The following JPH3 variants were observed in gnomAD, a reference collection of about 807,000 sequenced individuals.
JPH3 encodes junctophilin 3.
In JPH3, 11 loss-of-function variants were observed where a neutral mutation model predicts 59.6. That is an observed-to-expected ratio of 0.18 (90% CI 0.12 to 0.31). The LOEUF (loss-of-function observed/expected upper bound fraction) is 0.31. Ranked by LOEUF, JPH3 falls within the 10% of genes least tolerant of loss-of-function variation. JPH3 has a pLI of 1.00. For missense variants in JPH3, 1,202 were observed against 1,105.7 expected (o/e 1.09, Z -1.24); for synonymous variants, 673 against 483.6 (o/e 1.39, Z -5.14).
intron 2 of JPH3, among the ~76,000 whole-genome samples, chr16:87,649,515 C>T (rs1016480803): frequency 6.6e-6 from 1 of 152,160 alleles, no homozygotes; most frequent in African/African-American, 2.4e-5. Context: ...TCACTAGAGG[C>T]CCTGGGTTGG....
At chr16:87,659,191 T>C (rs112506484) in intron 2 of JPH3, among the ~76,000 whole-genome samples, 8,253 of 151,244 alleles carry the variant, frequency 0.055, 769 homozygotes, top group African/African-American at 0.19. Flanking sequence ...CTGGCCAACA[T>C]GGCAAGATCC....
intron 2 of JPH3, among the ~76,000 whole-genome samples, chr16:87,675,091 C>G (rs1445289803): frequency 6.6e-6 from 1 of 152,170 alleles, no homozygotes; most frequent in Admixed American, 6.5e-5. Flanking sequence ...AATAAAATAT[C>G]CAGCCACAAT....
chr16:87,673,233 A>T (rs182908497), intron 2 of JPH3, among the ~76,000 whole-genome samples: 1 of 152,170 alleles, frequency 6.6e-6, no homozygotes, highest in East Asian at 1.9e-4. Context: ...CAAGAAAAAA[A>T]AATCAACCGC....
At chr16:87,625,624 T>C (rs142483481) in intron 1 of JPH3, among the ~76,000 whole-genome samples, 1 of 152,202 alleles carries the variant, frequency 6.6e-6, no homozygotes, top group African/African-American at 2.4e-5. Flanking sequence ...CAGCGCAGAC[T>C]GGGGGAGACG....
chr16:87,632,953 G>C (rs905553965), intron 1 of JPH3, among the ~76,000 whole-genome samples: 1 of 151,932 alleles, frequency 6.6e-6, no homozygotes, highest in African/African-American at 2.4e-5. Flanking sequence ...GGCTGGTCTG[G>C]AACTCTGGGG....
At position 87,689,709 on chromosome 16, in the gene JPH3, G is replaced by A. The variant is rs753117984; in HGVS notation, c.1349G>A (p.Gly450Glu). Reference sequence around the variant, plus strand: ...GACGACATCGAGGTGCTGTCCACCGGGACACCCCTGCAGCAGGAGAGCCCC... The same window carrying A: ...GACGACATCGAGGTGCTGTCCACCGAGACACCCCTGCAGCAGGAGAGCCCC... ...SCDDIEVLST[G>E]TPLQQESPEL... The change falls in exon 4 of 5, where the codon GGG becomes GAG. Residue 450 changes from glycine to glutamate, a missense_variant. Gly to Glu is a moderately conservative substitution (Grantham distance 98). Coordinates refer to ENST00000284262, the MANE Select transcript of JPH3 (RefSeq NM_020655.4). 1 of 1,612,438 alleles carries A rather than the reference G, an allele frequency of 6.2e-7. No individual in the cohort carries two copies.
At chr16:87,663,965 C>A (rs931653203) in intron 2 of JPH3, among the ~76,000 whole-genome samples, 1 of 152,282 alleles carries the variant, frequency 6.6e-6, no homozygotes, top group Non-Finnish European at 1.5e-5. Context: ...GTGGTGGAAT[C>A]GACTCTTCTG....
intron 1 of JPH3, among the ~76,000 whole-genome samples, chr16:87,615,208 C>T (rs1242153089): frequency 6.6e-6 from 1 of 152,236 alleles, no homozygotes; most frequent in African/African-American, 2.4e-5. Flanking sequence ...TCCCCGGGGC[C>T]TAAGCGTGCC....
At chr16:87,631,959 A>G (rs2031578626) in intron 1 of JPH3, among the ~76,000 whole-genome samples, 1 of 151,964 alleles carries the variant, frequency 6.6e-6, no homozygotes, top group African/African-American at 2.4e-5. Context: ...GTCTTCTCCC[A>G]CCTGCTGCAT....
intron 2 of JPH3, among the ~76,000 whole-genome samples, chr16:87,661,764 A>C (rs908850104): frequency 6.6e-6 from 1 of 152,196 alleles, no homozygotes; most frequent in Admixed American, 6.5e-5. Context: ...GAGAGAATTC[A>C]TGGGGCTTCG....
chr16:87,685,452 A>G (rs935070817), intron 3 of JPH3, among the ~76,000 whole-genome samples: 2 of 152,226 alleles, frequency 1.3e-5, no homozygotes, highest in Non-Finnish European at 2.9e-5. Flanking sequence ...TCAGGCCCTG[A>G]GTTTCCTTCT....
chr16:87,667,193 C>G (rs1597277041), intron 2 of JPH3, among the ~76,000 whole-genome samples: 1 of 152,238 alleles, frequency 6.6e-6, no homozygotes, highest in South Asian at 2.1e-4. Flanking sequence ...TCTTAGCTCC[C>G]TCTGCCCCGT....
chr16:87,643,759 G>C (rs1347387869), intron 1 of JPH3, among the ~76,000 whole-genome samples: 1 of 152,168 alleles, frequency 6.6e-6, no homozygotes, highest in Non-Finnish European at 1.5e-5. Flanking sequence ...CAGGATGGAG[G>C]TGTCTTCAAA....
intron 2 of JPH3, among the ~76,000 whole-genome samples, chr16:87,648,614 C>T (rs937417537): frequency 6.6e-6 from 1 of 151,934 alleles, no homozygotes; most frequent in South Asian, 2.1e-4. Flanking sequence ...GTGTGGAGCT[C>T]GGAGAGACTG....
In JPH3 at chr16:87,611,073, G is replaced by A. The variant is rs1425022783; in HGVS notation, c.382+7545G>A. Among the ~76,000 whole-genome samples, 1 of 152,212 alleles carries A rather than the reference G, an allele frequency of 6.6e-6. No homozygotes were observed. The highest frequency in any genetic ancestry group is 1.5e-5 in the Non-Finnish European group (1 of 68,034). On this transcript the variant is annotated intron_variant, in intron 1 of 4. Transcript: ENST00000284262. This position sits in a 1 kb window ranked among gnomAD's most constrained non-coding sequence, Gnocchi z 4.5. ...TAAGTATTTGCTGAGCATTGAGTAT[G>A]TACGCAGTACAGAGTTTGTGGTAAC...
intron 2 of JPH3, among the ~76,000 whole-genome samples, chr16:87,664,057 C>T (rs61406775): frequency 0.021 from 3,253 of 152,286 alleles, 108 homozygotes; most frequent in African/African-American, 0.068. Flanking sequence ...GCCAGCTGGG[C>T]GCGGTGGCTC....
At chr16:87,612,421 G>A (rs1455689620) in intron 1 of JPH3, among the ~76,000 whole-genome samples, 1 of 152,134 alleles carries the variant, frequency 6.6e-6, no homozygotes, top group Non-Finnish European at 1.5e-5. Context: ...TTTTTTACAG[G>A]ATTACAGGTG....
chr16:87,681,752 G>A (rs1325593349), intron 2 of JPH3, among the ~76,000 whole-genome samples: 1 of 152,116 alleles, frequency 6.6e-6, no homozygotes, highest in African/African-American at 2.4e-5. Context: ...AGGTGTCCCC[G>A]GGGCAGGATA....
intron 2 of JPH3, among the ~76,000 whole-genome samples, chr16:87,655,234 G>A (rs1178666795): frequency 6.6e-6 from 1 of 152,262 alleles, no homozygotes; most frequent in South Asian, 2.1e-4. Context: ...CTGCATATTC[G>A]AGGCGCGCAG....
Sources: gnomAD v4.1 joint callset for allele counts (sites outside exome capture counted in the v4.1 genomes callset) on GRCh38, gnomAD v4.1.1 for gene constraint, Gnocchi (gnomAD v3.1) non-coding constraint, MANE v1.5 for transcripts, NCBI Gene and HGNC (gene_info 2026-07-23, HGNC 2026-07-21) for gene names.